UNC5D: variants seen among roughly 807,000 people sequenced by gnomAD.
UNC5D encodes netrin receptor UNC5D.
Under a neutral mutation model 105.4 loss-of-function variants are expected in UNC5D, and 39 were observed. That is an observed-to-expected ratio of 0.37 (90% CI 0.29 to 0.48). The LOEUF is 0.48. Among genes scored for constraint, UNC5D ranks in the 20% least tolerant of loss-of-function variants. UNC5D has a pLI of 0.98. For synonymous variants in UNC5D, 452 were observed against 450.4 expected (o/e 1.00, Z -0.04); for missense variants, 991 against 1,202.4 (o/e 0.82, Z 2.60).
intron 4 of UNC5D, among the ~76,000 whole-genome samples, chr8:35,682,295 A>G (rs905751119): frequency 6.6e-6 from 1 of 152,198 alleles, no homozygotes; most frequent in African/African-American, 2.4e-5. Context: ...ATAAATTAGC[A>G]TTCTTTAGAC....
At chr8:35,507,048 TC>T (rs1812351353) in intron 1 of UNC5D, among the ~76,000 whole-genome samples, 1 of 134,592 alleles carries the variant, frequency 7.4e-6, no homozygotes, top group South Asian at 2.4e-4. Flanking sequence ...TCAGGGCTTT[TC>T]TTTTTTTTTT....
chr8:35,312,961 C>T (rs989328876), intron 1 of UNC5D, among the ~76,000 whole-genome samples: 4 of 152,144 alleles, frequency 2.6e-5, no homozygotes, highest in Non-Finnish European at 5.9e-5. Context: ...ACTCACATGA[C>T]CGTTTTGTAT....
At chr8:35,587,980 A>ATATATATATATATATATATATATC (rs1554567969) in intron 3 of UNC5D, among the ~76,000 whole-genome samples, 1 of 141,380 alleles carries the variant, frequency 7.1e-6, no homozygotes, top group African/African-American at 2.5e-5. Flanking sequence ...ATATATATAT[A>ATATATATATATATATATATATATC]TATATATATA....
chr8:35,726,702 G>A (rs911468714), intron 10 of UNC5D, 173 bp downstream of exon 10: 15 of 1,021,244 alleles, frequency 1.5e-5, no homozygotes, highest in Non-Finnish European at 2.1e-5. Flanking sequence ...CCAATGCTGA[G>A]ATTAGATTTT....
intron 1 of UNC5D, among the ~76,000 whole-genome samples, chr8:35,470,856 A>C (rs550152849): frequency 3.9e-5 from 6 of 152,278 alleles, no homozygotes; most frequent in African/African-American, 1.4e-4. Flanking sequence ...TGACTTGTGA[A>C]GCACAGCTTA....
intron 1 of UNC5D, among the ~76,000 whole-genome samples, chr8:35,336,798 T>TG (rs5890806): frequency 4.0e-5 from 6 of 151,704 alleles, no homozygotes; most frequent in African/African-American, 1.5e-4. Context: ...AGTGTTTTTT[T>TG]TTTTTCTTTA....
chr8:35,400,774 C>G (rs1400971182), intron 1 of UNC5D, among the ~76,000 whole-genome samples: 1 of 152,174 alleles, frequency 6.6e-6, no homozygotes, highest in East Asian at 1.9e-4. Context: ...TTCGTCACCC[C>G]TCTCATTCAG....
chr8:35,300,930 T>C (rs1288833536), intron 1 of UNC5D, among the ~76,000 whole-genome samples: 1 of 152,216 alleles, frequency 6.6e-6, no homozygotes, highest in Non-Finnish European at 1.5e-5. Flanking sequence ...GGTTTTCATG[T>C]ATATGCAGAT....
intron 1 of UNC5D, among the ~76,000 whole-genome samples, chr8:35,392,188 T>G (rs1803819378): frequency 6.6e-6 from 1 of 152,182 alleles, no homozygotes; most frequent in Admixed American, 6.5e-5. Context: ...AGGTTGCCCA[T>G]GTTCCTTGAC....
chr8:35,772,605 T>G (rs1802057805), intron 15 of UNC5D, among the ~76,000 whole-genome samples: 1 of 152,204 alleles, frequency 6.6e-6, no homozygotes, highest in Non-Finnish European at 1.5e-5. Context: ...GGACAGCTTC[T>G]TGGAGTTTAA....
chr8:35,603,731 A>G (rs1172655262), intron 4 of UNC5D, among the ~76,000 whole-genome samples: 3 of 152,154 alleles, frequency 2.0e-5, no homozygotes, highest in Non-Finnish European at 2.9e-5. Flanking sequence ...GTGCTCCTGT[A>G]TTGGGTGCAT....
intron 1 of UNC5D, among the ~76,000 whole-genome samples, chr8:35,507,235 T>G (rs1812382060): frequency 6.6e-6 from 1 of 151,654 alleles, no homozygotes; most frequent in African/African-American, 2.4e-5. Context: ...TTTTGTATTT[T>G]TAGTAGAGAC....
At chr8:35,292,661 G>A (rs1807156657) in intron 1 of UNC5D, among the ~76,000 whole-genome samples, 1 of 149,684 alleles carries the variant, frequency 6.7e-6, no homozygotes, top group Admixed American at 6.6e-5. Flanking sequence ...CATAAATGAT[G>A]TATACATATT....
At chr8:35,740,343 A>T (rs1829698753) in intron 11 of UNC5D, among the ~76,000 whole-genome samples, 1 of 152,226 alleles carries the variant, frequency 6.6e-6, no homozygotes, top group Admixed American at 6.5e-5. Flanking sequence ...AGGGAGAGAC[A>T]GATTTGAAGG....
In UNC5D at chr8:35,694,160, A is replaced by C. The variant is rs144251331; in HGVS notation, c.1084+7451A>C. On this transcript the variant is annotated intron_variant, in intron 7 of 16. Transcript: ENST00000404895. The stretch of plus-strand genomic sequence containing the variant: ...ATCTTAGAACCAGCTCGTCGGTGAG[A>C]GTGCAAATCCCTAACAAAGACAACT... Among the ~76,000 whole-genome samples, 160 of 152,288 alleles carry C rather than the reference A, an allele frequency of 1.1e-3. 1 individual carries two copies. The highest frequency in any genetic ancestry group is 3.7e-3 in the African/African-American group (155 of 41,564).
intron 1 of UNC5D, among the ~76,000 whole-genome samples, chr8:35,393,413 A>G (rs189047237): frequency 1.1e-3 from 164 of 151,092 alleles, no homozygotes; most frequent in East Asian, 5.9e-3. Context: ...GATTACAGGC[A>G]TGAGCCACCG....
At chr8:35,771,373 C>T (rs1218510079) in intron 15 of UNC5D, among the ~76,000 whole-genome samples, 2 of 152,066 alleles carry the variant, frequency 1.3e-5, no homozygotes, top group African/African-American at 4.8e-5. Flanking sequence ...TGATAAGCCA[C>T]GTCTTTGGCA....
At chr8:35,561,739 G>T (rs1816981276) in intron 2 of UNC5D, among the ~76,000 whole-genome samples, 2 of 152,020 alleles carry the variant, frequency 1.3e-5, no homozygotes, top group Non-Finnish European at 2.9e-5. Context: ...CCATTAGCTT[G>T]AACCTATTCC....
At chr8:35,534,517 T>C (rs961746719) in intron 1 of UNC5D, among the ~76,000 whole-genome samples, 1 of 151,658 alleles carries the variant, frequency 6.6e-6, no homozygotes, top group Non-Finnish European at 1.5e-5. Context: ...CAATTCAAAA[T>C]AAGTTACGTT....
Sources: gnomAD v4.1 joint callset for allele counts (sites outside exome capture counted in the v4.1 genomes callset) on GRCh38, gnomAD v4.1.1 for gene constraint, MANE v1.5 for transcripts, NCBI Gene and HGNC (gene_info 2026-07-23, HGNC 2026-07-21) for gene names.